The following PPP1R42 variants were observed in gnomAD, a reference collection of about 807,000 sequenced individuals.
PPP1R42 encodes the protein protein phosphatase 1 regulatory subunit 42.
In PPP1R42, 34 loss-of-function variants were observed where a neutral mutation model predicts 31.0. The observed-to-expected ratio is 1.10, with a 90% CI of 0.83 to 1.46. The LOEUF (loss-of-function observed/expected upper bound fraction) is 1.46, where lower values mean the gene tolerates loss of function less well. PPP1R42 is among the 40% of genes most tolerant of loss of function. The pLI is 0.00. For missense variants in PPP1R42, 268 were observed against 303.0 expected (o/e 0.88, Z 0.86); for synonymous variants, 103 against 109.8 (o/e 0.94, Z 0.39).
At chr8:66,996,763 G>A (rs968540379) in intron 5 of PPP1R42, among the ~76,000 whole-genome samples, 1 of 152,072 alleles carries the variant, frequency 6.6e-6, no homozygotes, top group African/African-American at 2.4e-5. Flanking sequence ...GTAAATTTTT[G>A]TGCATGGGGT....
intron 2 of PPP1R42, among the ~76,000 whole-genome samples, chr8:67,016,460 C>T (rs1169068825): frequency 6.6e-6 from 1 of 152,142 alleles, no homozygotes; most frequent in African/African-American, 2.4e-5. Flanking sequence ...TCCCAAATTA[C>T]AGCCAAGAAT....
At chr8:66,986,982 A>G (rs541647359) in intron 6 of PPP1R42, among the ~76,000 whole-genome samples, 1 of 152,146 alleles carries the variant, frequency 6.6e-6, no homozygotes, top group African/African-American at 2.4e-5. Flanking sequence ...TGGCCAACAT[A>G]ATGAAACCCC....
At position 67,013,049 on chromosome 8, in the gene PPP1R42, A is replaced by G. The variant is rs754282177; in HGVS notation, c.344T>C (p.Leu115Ser). The G allele has an allele frequency of 1.2e-6, 2 of 1,611,938 alleles. No homozygotes were observed. The highest frequency in any genetic ancestry group is 1.7e-6 in the Non-Finnish European group (2 of 1,179,052). Residue 115 changes from leucine to serine, a missense_variant, in exon 4 of 8, where the codon TTA becomes TCA. By Grantham distance (145) the Leu-to-Ser change is moderately radical. Coordinates refer to ENST00000685739, the MANE Select transcript of PPP1R42 (RefSeq NM_001364910.1). ...YIAVIEGLEGLGELRELHVEN... is the reference protein window; with the variant it reads ...YIAVIEGLEGSGELRELHVEN... ...AACATGAAGCTCTCTTAGTTCTCCTAATCCTTCTAAACCTTCTATGACAGC... is the reference window on the plus strand; with the variant it reads ...AACATGAAGCTCTCTTAGTTCTCCTGATCCTTCTAAACCTTCTATGACAGC...
At chr8:66,985,705 G>A in intron 6 of PPP1R42, 1 of 1,323,466 alleles carries the variant, frequency 7.6e-7, no homozygotes, top group Non-Finnish European at 1.1e-6. Flanking sequence ...TGGTTGGGAG[G>A]AAGAAGGAGT....
intron 1 of PPP1R42, among the ~76,000 whole-genome samples, chr8:67,018,816 C>CG (rs1162882066): frequency 6.5e-5 from 2 of 30,900 alleles, no homozygotes; most frequent in Non-Finnish European, 1.6e-4. Flanking sequence ...TGGCCCCCGC[C>CG]CCCCCCCCCT....
chr8:66,966,134 C>G (rs567870840), intron 7 of PPP1R42, among the ~76,000 whole-genome samples: 1 of 152,282 alleles, frequency 6.6e-6, no homozygotes, highest in Admixed American at 6.5e-5. Context: ...ATTTCATAAT[C>G]GAGATATCTC....
At chr8:66,986,364 AAAG>A (rs1815015989) in intron 6 of PPP1R42, among the ~76,000 whole-genome samples, 1 of 152,186 alleles carries the variant, frequency 6.6e-6, no homozygotes, top group Non-Finnish European at 1.5e-5. Flanking sequence ...TTTTCAGGAA[AAAG>A]AATAGCTCAA....
chr8:67,009,427 G>A (rs551586335), intron 5 of PPP1R42, among the ~76,000 whole-genome samples: 1 of 151,892 alleles, frequency 6.6e-6, no homozygotes, highest in South Asian at 2.1e-4. Flanking sequence ...AATTAGCTGG[G>A]TGTGGTGGCA....
At chr8:66,986,822 G>A (rs942865219) in intron 6 of PPP1R42, among the ~76,000 whole-genome samples, 5 of 152,152 alleles carry the variant, frequency 3.3e-5, no homozygotes, top group Admixed American at 3.3e-4. Flanking sequence ...TTTCACAGTC[G>A]TGATAACTAG....
chr8:66,968,178 A>G (rs1357566633), intron 7 of PPP1R42, among the ~76,000 whole-genome samples: 1 of 152,236 alleles, frequency 6.6e-6, no homozygotes, highest in African/African-American at 2.4e-5. Context: ...CATTGATAGT[A>G]TCAAGTTCAG....
chr8:66,984,136 A>G (rs1814930333), intron 6 of PPP1R42: 8 of 1,590,106 alleles, frequency 5.0e-6, no homozygotes, highest in South Asian at 1.1e-5. Flanking sequence ...AGTAGTCTCA[A>G]TCAGTGGACT....
In PPP1R42 at chr8:67,006,030, T is replaced by C. The variant is rs550848202; in HGVS notation, c.552+4685A>G. 8.5e-5 allele frequency among the ~76,000 whole-genome samples: 13 copies of C among 152,312 alleles called. No homozygotes were observed. In the East Asian group the frequency reaches 2.3e-3, roughly 27 times the overall value. ...ATTGTACTGTTGCCTCTTCATTCAC[T>C]CAACAGTGTATTTACTGAGCACCTA... On this transcript the variant is annotated intron_variant, in intron 5 of 7. Transcript: ENST00000685739.
intron 5 of PPP1R42, among the ~76,000 whole-genome samples, chr8:66,991,906 G>A (rs960153969): frequency 6.6e-6 from 1 of 152,204 alleles, no homozygotes; most frequent in Non-Finnish European, 1.5e-5. Context: ...GACAGAAGCC[G>A]AGATTCTGCA....
chr8:66,984,420 G>C (rs1291980131), intron 6 of PPP1R42: 3 of 1,320,182 alleles, frequency 2.3e-6, no homozygotes, highest in African/African-American at 2.9e-5. Context: ...TCTGGGTCTT[G>C]GGGCCCCCTT....
intron 5 of PPP1R42, among the ~76,000 whole-genome samples, chr8:67,004,006 C>G (rs577232404): frequency 6.6e-6 from 1 of 151,510 alleles, no homozygotes; most frequent in African/African-American, 2.4e-5. Flanking sequence ...AGGAGAATGG[C>G]GTTAACCTGG....
intron 1 of PPP1R42, among the ~76,000 whole-genome samples, chr8:67,020,614 T>C (rs1816185775): frequency 6.6e-6 from 1 of 152,326 alleles, no homozygotes; most frequent in Admixed American, 6.5e-5. Context: ...ATAATAATAG[T>C]CCCTATTTCC....
Position 67,014,489 on chromosome 8 carries a change from T to G in PPP1R42, c.233A>C (p.Tyr78Ser). Residue 78 changes from tyrosine to serine, a missense_variant, in exon 3 of 8, where the codon TAC becomes TCC. Tyr to Ser is a moderately radical substitution (Grantham distance 144). Coordinates refer to ENST00000685739, the MANE Select transcript of PPP1R42 (RefSeq NM_001364910.1). ...LNYATNLTHL[Y>S]LQNNCISCIE... ...ACATGAAATACAATTGTTTTGTAGGTACAAGTGGGTCAGATTTGTGGCATA... is the reference window on the plus strand; with the variant it reads ...ACATGAAATACAATTGTTTTGTAGGGACAAGTGGGTCAGATTTGTGGCATA... 6.3e-7 allele frequency: 1 copy of G among 1,596,790 alleles called. No homozygotes were observed. Among genetic ancestry groups the G allele is most frequent in the Non-Finnish European group, 8.6e-7 (1 of 1,169,226 alleles).
intron 3 of PPP1R42, 123 bp from the exon 4 acceptor site, chr8:67,013,219 G>A (rs1319226013): frequency 4.3e-6 from 3 of 699,158 alleles, no homozygotes; most frequent in East Asian, 5.9e-5. Flanking sequence ...GGAATGTTGT[G>A]TTATATTGAA....
At chr8:67,013,142 A>G in intron 3 of PPP1R42, 46 bp from the exon 4 acceptor site, 2 of 1,478,224 alleles carry the variant, frequency 1.4e-6, no homozygotes, top group Non-Finnish European at 1.8e-6. Flanking sequence ...TGAGAATGTC[A>G]TGGTCTTTAT....
Sources: allele counts gnomAD v4.1 joint callset (sites outside exome capture counted in the v4.1 genomes callset), GRCh38; gene constraint gnomAD v4.1.1; transcripts MANE v1.5; gene names NCBI Gene and HGNC (gene_info 2026-07-23, HGNC 2026-07-21).